RELN: variants seen among roughly 807,000 people sequenced by gnomAD.
RELN encodes the protein reelin.
A neutral mutation model predicts 427.6 loss-of-function variants in RELN; 108 were observed. That is an observed-to-expected ratio of 0.25 (90% CI 0.22 to 0.30). The LOEUF (loss-of-function observed/expected upper bound fraction) is 0.30, where lower values mean the gene tolerates loss of function less well. RELN is among the 10% of genes least tolerant of loss of function. The probability of loss-of-function intolerance (pLI) is 1.00; values close to 1 mark genes in which losing one functional copy is unlikely to be tolerated. For missense variants in RELN, 3,715 were observed against 4,302.8 expected (o/e 0.86, Z 3.82); for synonymous variants, 1,524 against 1,513.4 (o/e 1.01, Z -0.16).
rs368566543 is a variant in RELN at position 103,551,169 on chromosome 7, G to A, written c.6200C>T (p.Ser2067Phe). 25 of 1,613,974 alleles carry A rather than the reference G, an allele frequency of 1.5e-5. No individual in the cohort carries two copies. In the African/African-American group the frequency reaches 3.1e-4, roughly 20 times the overall value. ...GGGGTGGTGCTCGGTGGAGCATAAAGAGCTGACGTGGCTGCTGCTGTGGTA... is the reference window on the plus strand; with the variant it reads ...GGGGTGGTGCTCGGTGGAGCATAAAAAGCTGACGTGGCTGCTGCTGTGGTA... ...LCYHSSSHVS[S>F]LCSTEHHPSS... The change falls in exon 41 of 65, where the codon TCT becomes TTT. Residue 2067 changes from serine to phenylalanine, a missense_variant. Ser to Phe is a radical substitution (Grantham distance 155). This residue lies in a region of RELN where 1,310 missense variants were observed against 1,643.0 expected (regional missense o/e 0.80). Coordinates refer to ENST00000428762, the MANE Select transcript of RELN (RefSeq NM_005045.4).
intron 57 of RELN, 79 bp downstream of exon 57, chr7:103,495,644 T>C (rs2117018113): frequency 3.8e-6 from 5 of 1,301,180 alleles, no homozygotes; most frequent in East Asian, 2.3e-5. Flanking sequence ...CATTTCCTTA[T>C]AGTTGTCTGA....
At chr7:103,865,395 T>C (rs1361493137) in intron 2 of RELN, among the ~76,000 whole-genome samples, 2 of 152,140 alleles carry the variant, frequency 1.3e-5, no homozygotes, top group Non-Finnish European at 1.5e-5. Context: ...CAAACTCATT[T>C]TATGAGGCCA....
rs181548316 is a variant in RELN at position 103,778,894 on chromosome 7, C to G, written c.474-2267G>C. On this transcript the variant is annotated intron_variant, in intron 3 of 64. Transcript: ENST00000428762. Reference sequence around the variant, plus strand: ...CCTAGCTTTTCAAAATTACGGGGCTCCACACTACCTATTTCCCAAATCTTG... The same window carrying G: ...CCTAGCTTTTCAAAATTACGGGGCTGCACACTACCTATTTCCCAAATCTTG... Among the ~76,000 whole-genome samples the G allele has an allele frequency of 3.3e-5, 5 of 152,270 alleles. No individual in the cohort carries two copies. The East Asian group carries it at 9.7e-4, about 29-fold the overall frequency.
chr7:103,495,812 A>C lies in RELN; in HGVS notation c.9280T>G (p.Tyr3094Asp). The change falls in exon 57 of 65, where the codon TAT becomes GAT. Residue 3094 changes from tyrosine (Y) to aspartate (D), a missense_variant. This residue lies in a region of RELN where 1,310 missense variants were observed against 1,643.0 expected (regional missense o/e 0.80). Coordinates refer to ENST00000428762, the MANE Select transcript of RELN (RefSeq NM_005045.4). ...GFCGNPSFHL[Y>D]WPNKKKDKTH... ...TTGTCCTTCTTTTTATTTGGCCAAT[A>C]GAGGTGAAAGGATGGATTGCCACAA... The C allele has an allele frequency of 6.2e-7, 1 of 1,614,038 alleles. No homozygotes were observed. Among genetic ancestry groups the C allele is most frequent in the Non-Finnish European group, 8.5e-7 (1 of 1,179,990 alleles).
At chr7:103,957,559 C>T (rs577801872) in intron 1 of RELN, among the ~76,000 whole-genome samples, 4 of 152,236 alleles carry the variant, frequency 2.6e-5, no homozygotes, top group East Asian at 1.9e-4. Flanking sequence ...GAAGTTACTT[C>T]TCCTGGTCAC....
rs948138528 is a variant in RELN, at chr7:103,742,268, G to A, written c.656+7158C>T. On this transcript the variant is annotated intron_variant, in intron 6 of 64. Coordinates refer to ENST00000428762, the MANE Select transcript of RELN (RefSeq NM_005045.4). ...ATCCACACCAAAAACCCATCTGTAC[G>A]TCACCATCATCAAAGACCAAAGGTA... Among the ~76,000 whole-genome samples the A allele has an allele frequency of 1.3e-4, 20 of 152,186 alleles. 1 individual carries two copies. The highest frequency in any genetic ancestry group is 3.6e-4 in the African/African-American group (15 of 41,526).
At chr7:103,507,446 G>A (rs1010201542) in intron 51 of RELN, among the ~76,000 whole-genome samples, 12 of 152,218 alleles carry the variant, frequency 7.9e-5, no homozygotes, top group South Asian at 4.1e-4. Context: ...GGTACATAAC[G>A]AAATGAAGGC....
chr7:103,592,673 A>G (rs1831446316), intron 27 of RELN, among the ~76,000 whole-genome samples: 1 of 152,234 alleles, frequency 6.6e-6, no homozygotes, highest in Non-Finnish European at 1.5e-5. Context: ...TAAAAATTTC[A>G]GAATATTATC....
rs78776163 is a variant in RELN at position 103,749,323 on chromosome 7, C to G, written c.656+103G>C. On this transcript the variant is annotated intron_variant, in intron 6 of 64. Transcript: ENST00000428762. ...TTAACAAGTCTCACTGATAGCTTAGCACTAAAGATCAACTTAATTTTAAGT... is the reference window on the plus strand; with the variant it reads ...TTAACAAGTCTCACTGATAGCTTAGGACTAAAGATCAACTTAATTTTAAGT... 6,285 of 871,904 alleles carry G rather than the reference C, an allele frequency of 7.2e-3. 175 individuals carry two copies. Among genetic ancestry groups the G allele is most frequent in the East Asian group, 0.048 (1,989 of 41,240 alleles). 54.0% of individuals were successfully genotyped at this position (871,904 alleles called of 1,614,324 possible). A position where few individuals can be genotyped will look rare whatever the true frequency, so the allele number is the denominator to read the frequency against.
chr7:103,475,490 GA>G (rs1377697751), intron 64 of RELN, among the ~76,000 whole-genome samples: 1 of 152,130 alleles, frequency 6.6e-6, no homozygotes, highest in Non-Finnish European at 1.5e-5. Flanking sequence ...TTAAAGCAAT[GA>G]AAATTATTCT....
chr7:103,488,801 T>C (rs1828538233), intron 60 of RELN, among the ~76,000 whole-genome samples: 1 of 152,226 alleles, frequency 6.6e-6, no homozygotes, highest in Admixed American at 6.5e-5. Flanking sequence ...TCTCAGTTTC[T>C]TTGCCTGTAG....
At chr7:103,484,882 G>T (rs1828374928) in intron 61 of RELN, among the ~76,000 whole-genome samples, 1 of 152,156 alleles carries the variant, frequency 6.6e-6, no homozygotes, top group Non-Finnish European at 1.5e-5. Context: ...TTTAGGAAAG[G>T]CTGTCTGGAG....
Position 103,988,850 on chromosome 7 carries a change from G to T in RELN, c.226+281C>A, listed in dbSNP as rs1210557511. 6.6e-6 allele frequency among the ~76,000 whole-genome samples: 1 copy of T among 152,176 alleles called. No individual in the cohort carries two copies. The highest frequency in any genetic ancestry group is 2.4e-5 in the African/African-American group (1 of 41,432). On this transcript the variant is annotated intron_variant, in intron 1 of 64. Coordinates refer to ENST00000428762, the MANE Select transcript of RELN (RefSeq NM_005045.4). This position sits in a 1 kb window ranked among gnomAD's most constrained non-coding sequence, Gnocchi z 4.9. ...GCCTGCGGTAAGTACGGGGAGTGAG[G>T]GGGAAAGACACCGGCCTCCAAGAAT...
Position 103,594,387 on chromosome 7 carries a change from A to G in RELN, c.3645T>C (p.Asp1215=), listed in dbSNP as rs571231412. Residue 1215 remains aspartate (D), a synonymous_variant, in exon 26 of 65, where the codon GAT becomes GAC. Coordinates refer to ENST00000428762, the MANE Select transcript of RELN (RefSeq NM_005045.4). ...GCTTCTCGGACAGAATGATGATGTC[A>G]TCGACTGCCCACTGGTCATAGTCCT... ...SGEDYDQWAV[D]DIIILSEKQK... The G allele has an allele frequency of 4.1e-5, 66 of 1,613,966 alleles. No individual in the cohort carries two copies. The highest frequency in any genetic ancestry group is 5.5e-5 in the Non-Finnish European group (65 of 1,179,952).
chr7:103,908,785 G>C (rs1188714688), intron 2 of RELN, among the ~76,000 whole-genome samples: 4 of 152,262 alleles, frequency 2.6e-5, no homozygotes, highest in Non-Finnish European at 5.9e-5. Flanking sequence ...TACTCAAATG[G>C]AATGAATAAA....
rs2906643 is a variant in RELN, at chr7:103,484,076, T to C, written c.9984-226A>G. 0.35 allele frequency: 183,301 copies of C among 527,308 alleles called. 36,722 individuals are homozygous for C. Among genetic ancestry groups the C allele is most frequent in the African/African-American group, 0.66 (34,432 of 52,158 alleles). The allele number at this position is 527,308 out of a possible 1,614,324, so 32.7% of individuals were successfully genotyped here. On this transcript the variant is annotated intron_variant, in intron 61 of 64. Transcript: ENST00000428762. ...TGTATTTTTAGTATAGACGGGGTTT[T>C]GACATGTTGTCCAGGCTGGTCTCGA...
intron 8 of RELN, among the ~76,000 whole-genome samples, chr7:103,709,506 A>G (rs1227471311): frequency 6.6e-6 from 1 of 152,214 alleles, no homozygotes; most frequent in East Asian, 1.9e-4. Context: ...GTTGTTACCC[A>G]GTTCTAGGAC....
chr7:103,677,860 G>A (rs1584400326), intron 11 of RELN, among the ~76,000 whole-genome samples: 1 of 149,524 alleles, frequency 6.7e-6, no homozygotes, highest in East Asian at 2.0e-4. Flanking sequence ...CCTTCGTGCA[G>A]CATCCATGAC....
chr7:103,575,932 C>T (rs924655998), intron 28 of RELN, among the ~76,000 whole-genome samples: 2 of 151,932 alleles, frequency 1.3e-5, no homozygotes, highest in Admixed American at 6.6e-5. Context: ...GGCTGGAGTG[C>T]AGTAGGGTGA....
Sources: allele counts gnomAD v4.1 joint callset (sites outside exome capture counted in the v4.1 genomes callset), GRCh38; gene constraint gnomAD v4.1.1; regional missense constraint gnomAD v4.1.1; non-coding constraint Gnocchi (gnomAD v3.1); transcripts MANE v1.5; gene names NCBI Gene and HGNC (gene_info 2026-07-23, HGNC 2026-07-21).